LATS1: variants seen among roughly 807,000 people sequenced by gnomAD.
LATS1 encodes large tumor suppressor kinase 1.
LATS1 carries 25 observed loss-of-function variants against 106.6 expected under a neutral mutation model. The observed-to-expected ratio is 0.23, with a 90% CI of 0.17 to 0.33. The LOEUF (loss-of-function observed/expected upper bound fraction) is 0.33. Ranked by LOEUF, LATS1 falls within the 10% of genes least tolerant of loss-of-function variation. The pLI, the probability that LATS1 is intolerant of heterozygous loss-of-function variation, is 1.00. For synonymous variants in LATS1, 465 were observed against 455.6 expected, an observed-to-expected ratio of 1.02 and a Z score of -0.26; for missense variants, 1,040 against 1,382.6, an observed-to-expected ratio of 0.75 and a Z score of 3.93.
At chr6:149,677,577 T>C (rs1396885919) in intron 5 of LATS1, among the ~76,000 whole-genome samples, 1 of 152,190 alleles carries the variant, frequency 6.6e-6, no homozygotes, top group African/African-American at 2.4e-5. Context: ...ATGTGAAGTT[T>C]GAAAGGCCTA....
intron 3 of LATS1, among the ~76,000 whole-genome samples, chr6:149,694,337 G>C (rs1485828800): frequency 6.6e-6 from 1 of 152,100 alleles, no homozygotes; most frequent in Admixed American, 6.5e-5. Context: ...TTTTTTGTTG[G>C]GTTGTTTGTT....
chr6:149,712,259 G>A (rs1428272734), intron 1 of LATS1, among the ~76,000 whole-genome samples: 1 of 151,920 alleles, frequency 6.6e-6, no homozygotes, highest in South Asian at 2.1e-4. Context: ...GTGCAATGGC[G>A]CGATCTTGGC....
intron 1 of LATS1, among the ~76,000 whole-genome samples, chr6:149,715,054 A>C (rs1482312572): frequency 1.3e-5 from 2 of 151,734 alleles, no homozygotes; most frequent in Non-Finnish European, 2.9e-5. Flanking sequence ...TTTTTTATTT[A>C]TTTATTTATT....
At chr6:149,678,831 G>A (rs34238099) in intron 5 of LATS1, among the ~76,000 whole-genome samples, 7,567 of 152,116 alleles carry the variant, frequency 0.05, 251 homozygotes, top group Non-Finnish European at 0.076. Context: ...ATCTAACTAG[G>A]TCTCAGTTTC....
At chr6:149,713,874 G>A (rs1321088291) in intron 1 of LATS1, among the ~76,000 whole-genome samples, 6 of 152,094 alleles carry the variant, frequency 3.9e-5, no homozygotes, top group Non-Finnish European at 7.4e-5. Flanking sequence ...TGGCCAGGGT[G>A]GTCTTGAACT....
chr6:149,703,769 T>C (rs1447596027), intron 1 of LATS1, among the ~76,000 whole-genome samples: 2 of 152,136 alleles, frequency 1.3e-5, no homozygotes, highest in African/African-American at 4.8e-5. Flanking sequence ...TCTCTGAAAC[T>C]GACTCCTGAG....
intron 1 of LATS1, among the ~76,000 whole-genome samples, chr6:149,703,797 A>G (rs929058983): frequency 2.0e-5 from 3 of 152,216 alleles, no homozygotes; most frequent in African/African-American, 7.2e-5. Context: ...GTGGTTATCA[A>G]CATCTAATAA....
At position 149,666,134 on chromosome 6, in the gene LATS1, G is replaced by A. The variant is rs866866637; in HGVS notation, c.2884-3896C>T. On this transcript the variant is annotated intron_variant, in intron 7 of 7. Coordinates refer to ENST00000543571, the MANE Select transcript of LATS1 (RefSeq NM_004690.4). ...AGCCTGGGTGACAGAGAGAGACTCC[G>A]TCTCCAAAAAAAAAAAAAAAAAAAA... Among the ~76,000 whole-genome samples the A allele has an allele frequency of 3.5e-4, 29 of 83,524 alleles. 1 individual carries two copies. In the Middle Eastern group the frequency reaches 0.069, roughly 198 times the overall value. The allele number at this position is 83,524 out of a possible 152,430, so 54.8% of individuals were successfully genotyped here.
At chr6:149,663,601 G>A (rs931952413) in intron 7 of LATS1, among the ~76,000 whole-genome samples, 2 of 151,934 alleles carry the variant, frequency 1.3e-5, no homozygotes, top group African/African-American at 4.8e-5. Context: ...TACTATAGAG[G>A]GAAGAAAAAT....
At chr6:149,691,517 A>C (rs948827059) in intron 3 of LATS1, among the ~76,000 whole-genome samples, 2 of 152,182 alleles carry the variant, frequency 1.3e-5, no homozygotes, top group African/African-American at 2.4e-5. Flanking sequence ...TCTCTTTCTT[A>C]GCAGTATTTG....
chr6:149,701,058 C>G (rs1783430835), intron 2 of LATS1, among the ~76,000 whole-genome samples: 1 of 152,244 alleles, frequency 6.6e-6, no homozygotes, highest in Non-Finnish European at 1.5e-5. Context: ...GCTGGGATTA[C>G]AGGCGTGAGC....
At chr6:149,711,128 T>C (rs979759428) in intron 1 of LATS1, among the ~76,000 whole-genome samples, 3 of 152,164 alleles carry the variant, frequency 2.0e-5, no homozygotes, top group African/African-American at 7.2e-5. Context: ...TCTTAAATCT[T>C]TGGATGAGTT....
intron 4 of LATS1, among the ~76,000 whole-genome samples, chr6:149,681,160 G>A (rs1350916238): frequency 6.6e-6 from 1 of 152,080 alleles, no homozygotes; most frequent in African/African-American, 2.4e-5. Context: ...GAATACTTCA[G>A]TGTGACTCAT....
chr6:149,716,978 C>T (rs1045163403), intron 1 of LATS1, among the ~76,000 whole-genome samples: 9 of 152,206 alleles, frequency 5.9e-5, no homozygotes, highest in South Asian at 4.1e-4. Flanking sequence ...AATTTATTAA[C>T]CTTCAATAAA....
intron 3 of LATS1, among the ~76,000 whole-genome samples, chr6:149,693,960 G>A (rs1314405622): frequency 1.3e-5 from 2 of 151,812 alleles, no homozygotes; most frequent in Non-Finnish European, 2.9e-5. Context: ...GCATAGTGGC[G>A]GGCACCTGTA....
intron 2 of LATS1, among the ~76,000 whole-genome samples, chr6:149,696,452 C>A (rs1206605688): frequency 6.8e-6 from 1 of 146,998 alleles, no homozygotes; most frequent in Non-Finnish European, 1.5e-5. Context: ...TCTATAATCC[C>A]AGCTGTTTGG....
At position 149,661,043 on chromosome 6, in the gene LATS1, TTTAAAGCCA is replaced by T. The variant is rs1175800533; in HGVS notation, c.*677_*685del. Reference sequence around the variant, plus strand: ...AAAAGCTAGTAGTGCTTTGGCTTCTTTTAAAGCCAGTAATTCTTGAGAAATAAATGCAAG... The same window carrying T: ...AAAAGCTAGTAGTGCTTTGGCTTCTTGTAATTCTTGAGAAATAAATGCAAG... On this transcript the variant is annotated 3_prime_UTR_variant, in exon 8 of 8. Transcript: ENST00000543571. 1 of 189,844 alleles carries T rather than the reference TTTAAAGCCA, an allele frequency of 5.3e-6. No individual in the cohort carries two copies. Among genetic ancestry groups the T allele is most frequent in the Non-Finnish European group, 1.0e-5 (1 of 97,280 alleles). 11.8% of individuals were successfully genotyped at this position (189,844 alleles called of 1,614,324 possible).
At chr6:149,688,870 G>A (rs1782552948) in intron 3 of LATS1, among the ~76,000 whole-genome samples, 1 of 151,990 alleles carries the variant, frequency 6.6e-6, no homozygotes, top group Non-Finnish European at 1.5e-5. Flanking sequence ...GATAATATAT[G>A]AGTTCAGACA....
rs947672402 is a variant in LATS1, at chr6:149,660,961, T to C, written c.*768A>G. On this transcript the variant is annotated 3_prime_UTR_variant, in exon 8 of 8. Transcript: ENST00000543571. ...TTTTAGTATTGAACATTTCGATTTA[T>C]GGCAGCTTTGTTCCCTTTTAAAATT... is the stretch of plus-strand genomic sequence containing the variant. The C allele has an allele frequency of 1.9e-5, 4 of 214,914 alleles. No individual in the cohort carries two copies. The highest frequency in any genetic ancestry group is 6.9e-5 in the East Asian group (1 of 14,392). The allele number at this position is 214,914 out of a possible 1,614,324, so 13.3% of individuals were successfully genotyped here.
Sources: gnomAD v4.1 joint callset for allele counts (sites outside exome capture counted in the v4.1 genomes callset) on GRCh38, gnomAD v4.1.1 for gene constraint, MANE v1.5 for transcripts, NCBI Gene and HGNC (gene_info 2026-07-23, HGNC 2026-07-21) for gene names.